FBXL7: variants seen among roughly 807,000 people sequenced by gnomAD.
The protein encoded by FBXL7 is F-box/LRR-repeat protein 7.
Under a neutral mutation model 38.3 loss-of-function variants are expected in FBXL7, and 12 were observed. The ratio of observed to expected loss-of-function variants is 0.31; its 90% confidence interval spans 0.20 to 0.51. The LOEUF (loss-of-function observed/expected upper bound fraction) is 0.51, where lower values mean the gene tolerates loss of function less well. Among genes scored for constraint, FBXL7 ranks in the 20% least tolerant of loss-of-function variants. The pLI is 0.98. For missense variants in FBXL7, 567 were observed against 676.4 expected (o/e 0.84, Z 1.79); for synonymous variants, 297 against 300.9 (o/e 0.99, Z 0.13).
intron 1 of FBXL7, among the ~76,000 whole-genome samples, chr5:15,546,455 T>C (rs1737892792): frequency 6.6e-6 from 1 of 152,048 alleles, no homozygotes. Context: ...TAATCCCAGC[T>C]AGTCAGGAGG....
intron 1 of FBXL7, among the ~76,000 whole-genome samples, chr5:15,570,682 C>G (rs918655227): frequency 2.6e-5 from 4 of 152,172 alleles, no homozygotes; most frequent in Non-Finnish European, 4.4e-5. Flanking sequence ...AACAGAAGTA[C>G]CTTCCAGGGT....
rs367838255 is a variant in FBXL7, at chr5:15,801,832, CG to C, written c.128-126050del. On this transcript the variant is annotated intron_variant, in intron 2 of 3. Transcript: ENST00000504595. ...ACAATAATAATTTCATTCCATATTT[CG>C]GGGGGGGCGGGGTTAGTTTGTCAGC... Among the ~76,000 whole-genome samples, 941 of 148,782 alleles carry C rather than the reference CG, an allele frequency of 6.3e-3. 10 individuals carry two copies. The highest frequency in any genetic ancestry group is 0.022 in the African/African-American group (876 of 40,256).
intron 2 of FBXL7, among the ~76,000 whole-genome samples, chr5:15,642,628 T>C (rs1012941117): frequency 5.9e-5 from 9 of 152,286 alleles, no homozygotes; most frequent in African/African-American, 2.2e-4. Context: ...TTTGGATTGC[T>C]CTAGACTCAG....
chr5:15,517,957 G>A (rs1580347958), intron 1 of FBXL7, among the ~76,000 whole-genome samples: 1 of 152,118 alleles, frequency 6.6e-6, no homozygotes, highest in East Asian at 1.9e-4. Flanking sequence ...GCTGACACAG[G>A]TTCAGTGTTT....
intron 2 of FBXL7, among the ~76,000 whole-genome samples, chr5:15,760,781 G>A (rs1246330174): frequency 1.3e-5 from 2 of 152,142 alleles, no homozygotes; most frequent in Non-Finnish European, 2.9e-5. Flanking sequence ...TAGGATGGCA[G>A]AAGTAGTAGT....
At chr5:15,790,380 G>A (rs980489739) in intron 2 of FBXL7, among the ~76,000 whole-genome samples, 2 of 152,026 alleles carry the variant, frequency 1.3e-5, no homozygotes, top group African/African-American at 4.8e-5. Flanking sequence ...ACTCAGTTTT[G>A]CAACTGTAAA....
chr5:15,826,720 G>C (rs1738321305), intron 2 of FBXL7, among the ~76,000 whole-genome samples: 1 of 152,124 alleles, frequency 6.6e-6, no homozygotes, highest in South Asian at 2.1e-4. Flanking sequence ...CACCTGGCCA[G>C]CACCAACATT....
intron 2 of FBXL7, among the ~76,000 whole-genome samples, chr5:15,636,315 C>G (rs1741187914): frequency 6.6e-6 from 1 of 152,156 alleles, no homozygotes; most frequent in Admixed American, 6.5e-5. Flanking sequence ...GTTTTTCAGA[C>G]TGAATTGCTG....
At chr5:15,592,948 A>G (rs1448229133) in intron 1 of FBXL7, among the ~76,000 whole-genome samples, 1 of 152,184 alleles carries the variant, frequency 6.6e-6, no homozygotes, top group Non-Finnish European at 1.5e-5. Flanking sequence ...ATCACACACA[A>G]GGGAAGTATG....
At chr5:15,829,165 T>G (rs1738389318) in intron 2 of FBXL7, among the ~76,000 whole-genome samples, 1 of 152,198 alleles carries the variant, frequency 6.6e-6, no homozygotes, top group Non-Finnish European at 1.5e-5. Context: ...TATTCTTATT[T>G]AATAGTGACC....
intron 2 of FBXL7, among the ~76,000 whole-genome samples, chr5:15,687,012 A>G (rs938051520): frequency 6.6e-6 from 1 of 152,220 alleles, no homozygotes; most frequent in Non-Finnish European, 1.5e-5. Flanking sequence ...AAGCAAACCC[A>G]TCCCCATATC....
chr5:15,925,255 G>T (rs1248332448), intron 2 of FBXL7, among the ~76,000 whole-genome samples: 1 of 152,212 alleles, frequency 6.6e-6, no homozygotes, highest in African/African-American at 2.4e-5. Flanking sequence ...ATAACAAAGG[G>T]TGGGGGCTTC....
At chr5:15,932,463 A>G (rs931422114) in intron 3 of FBXL7, among the ~76,000 whole-genome samples, 2 of 152,220 alleles carry the variant, frequency 1.3e-5, no homozygotes, top group Non-Finnish European at 2.9e-5. Flanking sequence ...GAAATCTGGG[A>G]TTAACTGAAG....
intron 2 of FBXL7, among the ~76,000 whole-genome samples, chr5:15,896,161 A>G (rs1741099482): frequency 6.6e-6 from 1 of 151,820 alleles, no homozygotes; most frequent in Non-Finnish European, 1.5e-5. Context: ...AGTATGTGGG[A>G]TTACAGGCAT....
At chr5:15,707,647 C>T (rs143048670) in intron 2 of FBXL7, among the ~76,000 whole-genome samples, 2 of 152,282 alleles carry the variant, frequency 1.3e-5, no homozygotes, top group Middle Eastern at 6.8e-3. Context: ...AGTGTACATA[C>T]AAAACGTATT....
At chr5:15,882,410 T>C (rs757760092) in intron 2 of FBXL7, among the ~76,000 whole-genome samples, 6 of 152,072 alleles carry the variant, frequency 3.9e-5, no homozygotes, top group Non-Finnish European at 8.8e-5. Flanking sequence ...ATGTCAGGCT[T>C]TCTTGTGGGA....
At chr5:15,632,379 T>G (rs1220681592) in intron 2 of FBXL7, among the ~76,000 whole-genome samples, 1 of 152,196 alleles carries the variant, frequency 6.6e-6, no homozygotes, top group East Asian at 1.9e-4. Flanking sequence ...ATGTGAAAGT[T>G]ATATTTAGCC....
chr5:15,904,712 TTA>T (rs1267562481), intron 2 of FBXL7, among the ~76,000 whole-genome samples: 3 of 152,106 alleles, frequency 2.0e-5, no homozygotes, highest in Non-Finnish European at 2.9e-5. Flanking sequence ...TTGGCTGTAT[TTA>T]TGAGTTATTT....
chr5:15,801,834 G>C (rs1415436633), intron 2 of FBXL7, among the ~76,000 whole-genome samples: 5 of 149,710 alleles, frequency 3.3e-5, no homozygotes, highest in Non-Finnish European at 7.4e-5. Flanking sequence ...CCATATTTCG[G>C]GGGGGGCGGG....
Sources: gnomAD v4.1 joint callset for allele counts (sites outside exome capture counted in the v4.1 genomes callset) on GRCh38, gnomAD v4.1.1 for gene constraint, MANE v1.5 for transcripts, NCBI Gene and HGNC (gene_info 2026-07-23, HGNC 2026-07-21) for gene names.